The following ITGAD variants were observed in gnomAD, a reference collection of about 807,000 sequenced individuals.
ITGAD encodes integrin subunit alpha D.
Under a neutral mutation model 139.0 loss-of-function variants are expected in ITGAD, and 105 were observed. That is an observed-to-expected ratio of 0.76 (90% CI 0.65 to 0.89). ITGAD has a LOEUF of 0.89. ITGAD is among the 40% of genes least tolerant of loss of function. The probability of loss-of-function intolerance (pLI) is 0.00; values close to 1 mark genes in which losing one functional copy is unlikely to be tolerated. For missense variants in ITGAD, 1,384 were observed against 1,487.3 expected, an observed-to-expected ratio of 0.93 and a Z score of 1.14; for synonymous variants, 569 against 598.3, an observed-to-expected ratio of 0.95 and a Z score of 0.71.
intron 14 of ITGAD, 64 bp downstream of exon 14, chr16:31,411,581 C>T (rs1056121181): frequency 2.3e-5 from 35 of 1,494,236 alleles, no homozygotes; most frequent in Non-Finnish European, 3.2e-5. Context: ...TCACTGAACG[C>T]AGCCTCCTGT....
chr16:31,422,400 C>A (rs899606848), intron 23 of ITGAD, among the ~76,000 whole-genome samples: 1 of 152,154 alleles, frequency 6.6e-6, no homozygotes, highest in Non-Finnish European at 1.5e-5. Context: ...ATGTCCCTTC[C>A]ACAGGCTTGT....
At position 31,423,187 on chromosome 16, in the gene ITGAD, T is replaced by C; in HGVS notation, c.2854T>C (p.Tyr952His). 6.2e-7 allele frequency: 1 copy of C among 1,613,692 alleles called. No homozygotes were observed. Among genetic ancestry groups the C allele is most frequent in the Non-Finnish European group, 8.5e-7 (1 of 1,179,568 alleles). ...GAAAATGAAAGAGGCTGAGCATCGA[T>C]ACCGTGTGAGAGTCTAGGGAGTATC... The part of the protein sequence containing the change: ...EKKMKEAEHR[Y>H]RVNNLSQRDL... Residue 952 changes from tyrosine to histidine, a missense_variant, in exon 24 of 30, where the codon TAC (tyrosine) becomes CAC (histidine). Transcript: ENST00000389202.
Position 31,393,381 on chromosome 16 carries a change from T to G in ITGAD, c.21T>G (p.Leu7=). MTFGTV[L]LLSVLASYHG... ...CAGGGATGACCTTCGGCACTGTGCT[T>G]CTTCTGAGTGGTAAGTGGGGCCAGG... The change falls in exon 1 of 30, where the codon CTT becomes CTG. Residue 7 remains leucine (L), a synonymous_variant. Coordinates refer to ENST00000389202, the MANE Select transcript of ITGAD (RefSeq NM_005353.3). 6.2e-7 allele frequency: 1 copy of G among 1,614,130 alleles called. No individual in the cohort carries two copies. The highest frequency in any genetic ancestry group is 8.5e-7 in the Non-Finnish European group (1 of 1,180,022).
In ITGAD at chr16:31,410,462, A is replaced by G. The variant is rs1266773193; in HGVS notation, c.1151A>G (p.Asn384Ser). ...WSGGAFLYPP[N>S]MSPTFINMSQ... ...GGAGGTGCCTTCCTGTATCCCCCAA[A>G]TATGAGCCCCACCTTCATCAACATG... The change falls in exon 11 of 30, where the codon AAT becomes AGT. Residue 384 changes from asparagine (N) to serine (S), a missense_variant. Transcript: ENST00000389202. 6.2e-7 allele frequency: 1 copy of G among 1,613,872 alleles called. No homozygotes were observed. Among genetic ancestry groups the G allele is most frequent in the Admixed American group, 1.7e-5 (1 of 59,994 alleles).
At chr16:31,419,313 T>C (rs1204390939) in intron 23 of ITGAD, among the ~76,000 whole-genome samples, 1 of 152,210 alleles carries the variant, frequency 6.6e-6, no homozygotes, top group African/African-American at 2.4e-5. Context: ...AGTTGTAACA[T>C]TGTAGTGCAA....
intron 16 of ITGAD, among the ~76,000 whole-genome samples, chr16:31,413,490 C>T (rs1374927995): frequency 1.3e-5 from 2 of 152,186 alleles, no homozygotes; most frequent in South Asian, 2.1e-4. Context: ...CCCCCAGCCC[C>T]TGATTCCCTT....
In ITGAD at chr16:31,418,378, C is replaced by T. The variant is rs769727079; in HGVS notation, c.2694C>T (p.Ser898=). Residue 898 remains serine (S), a splice_region_variant and synonymous_variant, in exon 22 of 30, where the codon AGC becomes AGT. Transcript: ENST00000389202. ...GDRMLMRASA[S]SENNKASSSK... ...GGATGCTTATGAGGGCCAGTGCAAG[C>T]AGGTGGGTCCAGGCCAGGGTATCCC... The T allele has an allele frequency of 4.3e-6, 7 of 1,613,898 alleles. No individual in the cohort carries two copies. Among genetic ancestry groups the T allele is most frequent in the Non-Finnish European group, 5.9e-6 (7 of 1,179,824 alleles).
chr16:31,412,157 G>T (rs144951407), intron 14 of ITGAD, among the ~76,000 whole-genome samples: 96 of 150,842 alleles, frequency 6.4e-4, no homozygotes, highest in African/African-American at 2.2e-3. Context: ...GCAACCTCCC[G>T]AGTAGCCTCC....
intron 2 of ITGAD, among the ~76,000 whole-genome samples, chr16:31,396,813 A>G (rs1414616317): frequency 1.3e-5 from 2 of 152,234 alleles, no homozygotes; most frequent in Non-Finnish European, 2.9e-5. Context: ...TTGACTCTAC[A>G]TAACTATAGA....
rs1391007617 is a variant in ITGAD at position 31,394,335 on chromosome 16, G to A, written c.131G>A (p.Gly44Glu). Residue 44 changes from glycine (G) to glutamate (E), a missense_variant, in exon 2 of 30, where the codon GGA becomes GAA. Transcript: ENST00000389202. Reference protein sequence around the residue: ...GFGQSVVQFGGSRLVVGAPLE... With the variant: ...GFGQSVVQFGESRLVVGAPLE... Reference sequence around the variant, plus strand: ...GGGCAGAGCGTGGTGCAGTTCGGTGGATCTCGGTAGGCCCCACTCACCCTC... The same window carrying A: ...GGGCAGAGCGTGGTGCAGTTCGGTGAATCTCGGTAGGCCCCACTCACCCTC... The A allele has an allele frequency of 3.7e-6, 6 of 1,611,848 alleles. No homozygotes were observed. The highest frequency in any genetic ancestry group is 2.5e-6 in the Non-Finnish European group (3 of 1,178,314).
chr16:31,412,041 G>A (rs2081733428), intron 14 of ITGAD, among the ~76,000 whole-genome samples: 1 of 151,456 alleles, frequency 6.6e-6, no homozygotes, highest in South Asian at 2.1e-4. Context: ...CTGTTTGGGG[G>A]TCCCGAGGTC....
At chr16:31,408,368 C>A in intron 9 of ITGAD, 57 bp from the exon 10 acceptor site, 2 of 1,437,360 alleles carry the variant, frequency 1.4e-6, no homozygotes, top group East Asian at 2.3e-5. Flanking sequence ...TCCCTGTGTT[C>A]TGAGTCCTCA....
At position 31,397,871 on chromosome 16, in the gene ITGAD, G is replaced by T. The variant is rs148236672; in HGVS notation, c.389G>T (p.Arg130Leu). 5.6e-6 allele frequency: 9 copies of T among 1,613,636 alleles called. No individual in the cohort carries two copies. The highest frequency in any genetic ancestry group is 1.3e-5 in the African/African-American group (1 of 75,062). Reference protein sequence around the residue: ...SKGSCLLLGSRWEIIQTVPDA... With the variant: ...SKGSCLLLGSLWEIIQTVPDA... Reference sequence around the variant, plus strand: ...GGTTCCTGCCTCCTGCTGGGCTCGCGCTGGGAGATCATCCAGACAGTCCCC... The same window carrying T: ...GGTTCCTGCCTCCTGCTGGGCTCGCTCTGGGAGATCATCCAGACAGTCCCC... Residue 130 changes from arginine (R) to leucine (L), a missense_variant, in exon 5 of 30, where the codon CGC becomes CTC. Transcript: ENST00000389202.
At position 31,424,131 on chromosome 16, in the gene ITGAD, T is replaced by C. The variant is rs778516075; in HGVS notation, c.3189T>C (p.Ser1063=). 22 of 1,613,994 alleles carry C rather than the reference T, an allele frequency of 1.4e-5. No homozygotes were observed. Among genetic ancestry groups the C allele is most frequent in the Non-Finnish European group, 1.4e-5 (17 of 1,180,030 alleles). Residue 1063 remains serine (S), a synonymous_variant, in exon 28 of 30, where the codon AGT becomes AGC. Transcript: ENST00000389202. ...ETLQKKVLVV[S]VAEITFDTSV... is the part of the protein sequence containing the mutation. Reference sequence around the variant, plus strand: ...TGCAGAAGAAGGTGTTGGTCGTGAGTGTGGCTGAAATTACGTTCGACACAT... The same window carrying C: ...TGCAGAAGAAGGTGTTGGTCGTGAGCGTGGCTGAAATTACGTTCGACACAT...
At chr16:31,402,389 C>T (rs1452109823) in intron 6 of ITGAD, 144 bp downstream of exon 6, 2 of 686,414 alleles carry the variant, frequency 2.9e-6, no homozygotes, top group African/African-American at 1.8e-5. Flanking sequence ...CCAGCACAGG[C>T]CCAACTTGAG....
intron 5 of ITGAD, 147 bp from the exon 6 acceptor site, chr16:31,401,968 G>A (rs2081416222): frequency 1.2e-6 from 1 of 841,856 alleles, no homozygotes; most frequent in East Asian, 2.6e-5. Flanking sequence ...GCAGGGGGCT[G>A]GGGTGGCAGA....
At chr16:31,402,305 G>A in intron 6 of ITGAD, 60 bp downstream of exon 6, 2 of 1,084,596 alleles carry the variant, frequency 1.8e-6, no homozygotes, top group East Asian at 3.3e-5. Context: ...CCTCGGGGAG[G>A]CATCCCGGGA....
rs770892554 is a variant in ITGAD at position 31,410,836 on chromosome 16, G to A, written c.1314G>A (p.Val438=). 4.3e-6 allele frequency: 7 copies of A among 1,613,722 alleles called. No homozygotes were observed. In the African/African-American group the frequency reaches 8.0e-5, roughly 18 times the overall value. Reference sequence around the variant, plus strand: ...GGAAGGCTGTCATCTTCACCCAGGTGTCCAGGCAATGGAGGAAGAAGGCCG... The same window carrying A: ...GGAAGGCTGTCATCTTCACCCAGGTATCCAGGCAATGGAGGAAGAAGGCCG... ...HTGKAVIFTQ[V]SRQWRKKAEV... Residue 438 remains valine, a synonymous_variant, in exon 12 of 30, where the codon GTG becomes GTA. Transcript: ENST00000389202.
chr16:31,404,049 C>T (rs769761082), intron 7 of ITGAD: 6 of 199,740 alleles, frequency 3.0e-5, no homozygotes, highest in Admixed American at 5.5e-5. Context: ...AAGCTCACAG[C>T]TTAGGATTGA....
Sources: allele counts gnomAD v4.1 joint callset (sites outside exome capture counted in the v4.1 genomes callset), GRCh38; gene constraint gnomAD v4.1.1; transcripts MANE v1.5; gene names NCBI Gene and HGNC (gene_info 2026-07-23, HGNC 2026-07-21).